Variants in SLCO3A1 observed in about 807,000 individuals in gnomAD.
SLCO3A1 encodes solute carrier organic anion transporter family member 3A1.
A neutral mutation model predicts 63.1 loss-of-function variants in SLCO3A1; 27 were observed. The ratio of observed to expected loss-of-function variants is 0.43; its 90% CI spans 0.32 to 0.59. The LOEUF is 0.59. Among genes scored for constraint, SLCO3A1 ranks in the 20% least tolerant of loss-of-function variants. SLCO3A1 has a pLI of 0.09. For missense variants in SLCO3A1, 773 were observed against 945.8 expected (o/e 0.82, Z 2.40); for synonymous variants, 473 against 409.9 (o/e 1.15, Z -1.86).
intron 2 of SLCO3A1, among the ~76,000 whole-genome samples, chr15:91,985,176 C>T (rs765121003): frequency 6.6e-6 from 1 of 152,114 alleles, no homozygotes; most frequent in Admixed American, 6.6e-5. Flanking sequence ...ATATCTGTTA[C>T]CTTTTATTAC....
Position 91,865,117 on chromosome 15 carries a change from C to G in SLCO3A1, c.180+11029C>G, listed in dbSNP as rs1897134578. Among the ~76,000 whole-genome samples the G allele has an allele frequency of 6.6e-6, 1 of 152,218 alleles. No individual in the cohort carries two copies. ...GTGGTCTCTTACAAGCCTTTCAGATCCAATTCCACCTTTCACCACAGACTG... is the reference window on the plus strand; with the variant it reads ...GTGGTCTCTTACAAGCCTTTCAGATGCAATTCCACCTTTCACCACAGACTG... On this transcript the variant is annotated intron_variant, in intron 1 of 9. Transcript: ENST00000318445. The surrounding 1 kb of genome is among the most constrained non-coding windows in gnomAD (Gnocchi z 4.6).
At chr15:91,868,667 T>C (rs1673567376) in intron 1 of SLCO3A1, among the ~76,000 whole-genome samples, 1 of 152,190 alleles carries the variant, frequency 6.6e-6, no homozygotes, top group Non-Finnish European at 1.5e-5. Context: ...TTTCCCTCTC[T>C]AATTCTCAAT....
chr15:91,952,302 T>C (rs929928964), intron 2 of SLCO3A1, among the ~76,000 whole-genome samples: 6 of 152,258 alleles, frequency 3.9e-5, no homozygotes, highest in African/African-American at 1.4e-4. Context: ...TCTGTCATCC[T>C]GTGGGTTGCC....
At chr15:91,873,373 A>G (rs929527860) in intron 1 of SLCO3A1, among the ~76,000 whole-genome samples, 2 of 152,308 alleles carry the variant, frequency 1.3e-5, no homozygotes, top group Admixed American at 6.5e-5. Flanking sequence ...ACCCTGGGAC[A>G]TCTGTGGGGC....
chr15:92,151,686 C>T lies in SLCO3A1; in HGVS notation c.1753+672C>T, dbSNP rs74694159. 3.1e-3 allele frequency among the ~76,000 whole-genome samples: 478 copies of T among 152,316 alleles called. 6 individuals are homozygous for T. The highest frequency in any genetic ancestry group is 0.01 in the African/African-American group (427 of 41,566). ...CTACCTTTCTCTTGCCATACCACAC[C>T]GTTGCTTTATGAGCATTCTTTTGTT... On this transcript the variant is annotated intron_variant, in intron 9 of 9. Transcript: ENST00000318445.
At chr15:92,074,928 C>T in intron 2 of SLCO3A1, among the ~76,000 whole-genome samples, 1 of 152,202 alleles carries the variant, frequency 6.6e-6, no homozygotes, top group Admixed American at 6.5e-5. Context: ...ATTCCGGGTC[C>T]TCTGGATGCC....
At chr15:91,868,362 T>C (rs1260595457) in intron 1 of SLCO3A1, among the ~76,000 whole-genome samples, 1 of 151,434 alleles carries the variant, frequency 6.6e-6, no homozygotes, top group Non-Finnish European at 1.5e-5. Flanking sequence ...GGCTTTTTTT[T>C]TTTTTTTTTT....
intron 2 of SLCO3A1, among the ~76,000 whole-genome samples, chr15:92,093,808 T>A (rs1465205529): frequency 6.6e-6 from 1 of 152,122 alleles, no homozygotes; most frequent in Non-Finnish European, 1.5e-5. Flanking sequence ...TGAGTTGGTC[T>A]ACGCCTATGA....
rs75428838 is a variant in SLCO3A1, at chr15:92,172,205, C to G, written c.*343C>G. The G allele has an allele frequency of 3.0e-3, 642 of 211,918 alleles. 5 individuals are homozygous for G. The highest frequency in any genetic ancestry group is 0.014 in the African/African-American group (600 of 43,806). 13.1% of individuals were successfully genotyped at this position (211,918 alleles called of 1,614,324 possible). On this transcript the variant is annotated 3_prime_UTR_variant, in exon 11 of 11. Coordinates refer to the SLCO3A1 transcript ENST00000424469. ...TTTAGAAACTCCCCTCTTGGGAATG[C>G]TCCTCTGACTGAGGGCTCCAACAGC... is the stretch of plus-strand genomic sequence containing the variant.
downstream of SLCO3A1, chr15:92,166,002 C>A: frequency 1.9e-6 from 1 of 527,526 alleles, no homozygotes. Flanking sequence ...ATTGACAGAT[C>A]TTTGTAACTC....
At chr15:92,096,562 G>C (rs954063437) in intron 3 of SLCO3A1, among the ~76,000 whole-genome samples, 5 of 152,188 alleles carry the variant, frequency 3.3e-5, no homozygotes, top group African/African-American at 9.7e-5. Flanking sequence ...TCTGAAAACA[G>C]AGGGTGAGAA....
chr15:92,149,142 T>C (rs2048271162), intron 8 of SLCO3A1: 1 of 152,466 alleles, frequency 6.6e-6, no homozygotes, highest in Admixed American at 6.5e-5. Flanking sequence ...TGACTAGTGG[T>C]GACTACCAAA....
intron 1 of SLCO3A1, among the ~76,000 whole-genome samples, chr15:91,895,192 T>A (rs1481532958): frequency 6.6e-6 from 1 of 152,212 alleles, no homozygotes; most frequent in Non-Finnish European, 1.5e-5. Flanking sequence ...TGTGACTCCC[T>A]GTGTGTAAGA....
At chr15:92,171,572 T>G (rs1249430190) in intron 10 of SLCO3A1, 59 of 532,378 alleles carry the variant, frequency 1.1e-4, no homozygotes, top group Non-Finnish European at 8.7e-5. Flanking sequence ...AGAAAGGATA[T>G]TTGGCCTTCA....
intron 2 of SLCO3A1, among the ~76,000 whole-genome samples, chr15:92,006,939 T>C (rs17518540): frequency 0.043 from 6,573 of 152,308 alleles, 217 homozygotes; most frequent in Non-Finnish European, 0.062. Context: ...TTCAACAAAA[T>C]AATTTCTAAA....
chr15:92,086,660 T>C (rs534427892), intron 2 of SLCO3A1, among the ~76,000 whole-genome samples: 73 of 152,312 alleles, frequency 4.8e-4, no homozygotes, highest in Non-Finnish European at 8.5e-4. Flanking sequence ...TTTCAATAGC[T>C]AGTGTTTTTT....
At chr15:92,145,942 C>T (rs992812159) in intron 7 of SLCO3A1, among the ~76,000 whole-genome samples, 1 of 136,426 alleles carries the variant, frequency 7.3e-6, no homozygotes, top group African/African-American at 2.9e-5. Context: ...TCCCATATAG[C>T]TTAGTGGGAT....
chr15:92,163,562 A>AT lies in SLCO3A1; in HGVS notation c.*427_*428insT, dbSNP rs2151605756. On this transcript the variant is annotated 3_prime_UTR_variant, in exon 10 of 10. Coordinates refer to ENST00000318445, the MANE Select transcript of SLCO3A1 (RefSeq NM_013272.4). ...TTCCTAAAATAAAAAAAATTAAAAAAAAAAAACCCACAAGTTGAAAACATT... is the reference window on the plus strand; with the variant it reads ...TTCCTAAAATAAAAAAAATTAAAAAATAAAAAACCCACAAGTTGAAAACATT... 4.1e-6 allele frequency: 4 copies of AT among 984,640 alleles called. No individual in the cohort carries two copies. The African/African-American group carries it at 5.2e-5, about 13-fold the overall frequency. The allele number at this position is 984,640 out of a possible 1,614,324, so 61.0% of individuals were successfully genotyped here. A position where few individuals can be genotyped will look rare whatever the true frequency, so the allele number is the denominator to read the frequency against.
At chr15:92,154,094 G>A (rs1329351349) in intron 9 of SLCO3A1, among the ~76,000 whole-genome samples, 1 of 152,354 alleles carries the variant, frequency 6.6e-6, no homozygotes, top group East Asian at 1.9e-4. Context: ...GAACATGGCT[G>A]AAGAAGTTGC....
Sources: allele counts gnomAD v4.1 joint callset (sites outside exome capture counted in the v4.1 genomes callset), GRCh38; gene constraint gnomAD v4.1.1; non-coding constraint Gnocchi (gnomAD v3.1); transcripts MANE v1.5; gene names NCBI Gene and HGNC (gene_info 2026-07-23, HGNC 2026-07-21).